DGCR2: variants seen among roughly 807,000 people sequenced by gnomAD.
The protein encoded by DGCR2 is DiGeorge syndrome critical region gene 2.
In DGCR2, 24 loss-of-function variants were observed where a neutral mutation model predicts 51.6. The observed-to-expected ratio is 0.47, with a 90% confidence interval of 0.34 to 0.65. The LOEUF is 0.65. DGCR2 is among the 30% of genes least tolerant of loss of function. The pLI, the probability that DGCR2 is intolerant of heterozygous loss-of-function variation, is 0.01. For synonymous variants in DGCR2, 340 were observed against 315.4 expected (o/e 1.08, Z -0.82); for missense variants, 765 against 772.1 (o/e 0.99, Z 0.11).
Position 19,100,861 on chromosome 22 carries a change from T to C in DGCR2, c.80-11371A>G, listed in dbSNP as rs116878293. ...GGTTCACGTCTGTAACCCCAGCACTTTGGGAGGCCAAGGTGGTCGGAACAC... is the reference window on the plus strand; with the variant it reads ...GGTTCACGTCTGTAACCCCAGCACTCTGGGAGGCCAAGGTGGTCGGAACAC... On this transcript the variant is annotated intron_variant, in intron 1 of 9. Transcript: ENST00000263196. Among the ~76,000 whole-genome samples the C allele has an allele frequency of 1.5e-3, 222 of 152,260 alleles. 4 individuals are homozygous for C. The East Asian group carries it at 0.032, about 22-fold the overall frequency.
At chr22:19,104,638 C>G (rs996701147) in intron 1 of DGCR2, among the ~76,000 whole-genome samples, 2 of 152,214 alleles carry the variant, frequency 1.3e-5, no homozygotes, top group Admixed American at 6.5e-5. Context: ...CCAGAGCAGT[C>G]TGAGACCCAT....
intron 6 of DGCR2, among the ~76,000 whole-genome samples, chr22:19,052,103 C>T (rs2082554483): frequency 6.6e-6 from 1 of 152,154 alleles, no homozygotes; most frequent in Admixed American, 6.5e-5. Flanking sequence ...TAATCCTGGG[C>T]ATCTATCACA....
At chr22:19,063,133 G>A (rs1270203073) in intron 5 of DGCR2, 69 bp downstream of exon 5, 10 of 1,443,078 alleles carry the variant, frequency 6.9e-6, no homozygotes, top group Non-Finnish European at 7.8e-6. Context: ...GTAAGAGGGA[G>A]GAGGGGAGGC....
At chr22:19,098,060 TTTTC>T (rs969179903) in intron 1 of DGCR2, among the ~76,000 whole-genome samples, 16 of 152,298 alleles carry the variant, frequency 1.1e-4, no homozygotes, top group East Asian at 1.9e-4. Context: ...TTTTCTGTCC[TTTTC>T]TTTCTTTCTC....
At chr22:19,113,810 G>C (rs1029366064) in intron 1 of DGCR2, among the ~76,000 whole-genome samples, 1 of 152,112 alleles carries the variant, frequency 6.6e-6, no homozygotes, top group South Asian at 2.1e-4. Flanking sequence ...TGTAATCTCA[G>C]CACTTTGGGA....
At chr22:19,047,485 C>T (rs1416696775) in intron 7 of DGCR2, 1 of 152,220 alleles carries the variant, frequency 6.6e-6, no homozygotes, top group Admixed American at 6.5e-5. Flanking sequence ...TTCCAAAAGT[C>T]CCCATCATTT....
chr22:19,106,958 C>A (rs898032294), intron 1 of DGCR2, among the ~76,000 whole-genome samples: 1 of 151,860 alleles, frequency 6.6e-6, no homozygotes, highest in African/African-American at 2.4e-5. Flanking sequence ...GATACCAGAG[C>A]CCCACCACCA....
At chr22:19,058,182 C>T (rs1328988852) in intron 5 of DGCR2, among the ~76,000 whole-genome samples, 1 of 152,180 alleles carries the variant, frequency 6.6e-6, no homozygotes, top group Non-Finnish European at 1.5e-5. Context: ...TGGAGGCAGG[C>T]CTATGCTGTG....
chr22:19,087,033 G>T (rs1054111248), intron 2 of DGCR2, among the ~76,000 whole-genome samples: 1 of 152,186 alleles, frequency 6.6e-6, no homozygotes, highest in African/African-American at 2.4e-5. Context: ...AGCAAACCAA[G>T]AATCATCTGG....
rs1237210402 is a variant in DGCR2, at chr22:19,057,117, G to T, written c.671C>A (p.Ala224Asp). The T allele has an allele frequency of 6.2e-7, 1 of 1,608,626 alleles. No individual in the cohort carries two copies. Among genetic ancestry groups the T allele is most frequent in the Non-Finnish European group, 8.5e-7 (1 of 1,177,648 alleles). Residue 224 changes from alanine (A) to aspartate (D), a missense_variant, in exon 6 of 10, where the codon GCC becomes GAC. This residue lies in a region of DGCR2 where 370 missense variants were observed against 325.5 expected (regional missense o/e 1.14). Coordinates refer to ENST00000263196, the MANE Select transcript of DGCR2 (RefSeq NM_005137.3). The surrounding 1 kb of genome is among the most constrained non-coding windows in gnomAD (Gnocchi z 5.1). ...FLPPDPIFAS[A>D]MSENDNVFCA... Reference sequence around the variant, plus strand: ...GAACACGTTGTCGTTCTCAGACATGGCCGAGGCAAAGATGGGGTCTGGGGG... The same window carrying T: ...GAACACGTTGTCGTTCTCAGACATGTCCGAGGCAAAGATGGGGTCTGGGGG...
chr22:19,039,387 G>A (rs1330940443), intron 9 of DGCR2, among the ~76,000 whole-genome samples: 1 of 152,184 alleles, frequency 6.6e-6, no homozygotes, highest in African/African-American at 2.4e-5. Context: ...GCAGACACGG[G>A]CCTGTCCCAC....
At chr22:19,090,630 G>A (rs916905367) in intron 1 of DGCR2, among the ~76,000 whole-genome samples, 4 of 152,200 alleles carry the variant, frequency 2.6e-5, no homozygotes, top group Non-Finnish European at 5.9e-5. Flanking sequence ...GACAATAGTA[G>A]CACCAAAGGT....
chr22:19,041,718 C>T, intron 8 of DGCR2, 89 bp downstream of exon 8: 1 of 1,456,278 alleles, frequency 6.9e-7, no homozygotes, highest in Non-Finnish European at 9.3e-7. Flanking sequence ...CTCTGCCCCT[C>T]TCTGTCCAGG....
At chr22:19,062,775 G>GCTGTCTCTGTCTCTGTCTCT in intron 5 of DGCR2, among the ~76,000 whole-genome samples, 1 of 108,966 alleles carries the variant, frequency 9.2e-6, no homozygotes, top group South Asian at 4.0e-4. Flanking sequence ...ACACATGCAT[G>GCTGTCTCTGTCTCTGTCTCT]CTCACTCTCT....
At chr22:19,059,769 A>G (rs1207086314) in intron 5 of DGCR2, among the ~76,000 whole-genome samples, 1 of 152,042 alleles carries the variant, frequency 6.6e-6, no homozygotes, top group Non-Finnish European at 1.5e-5. Flanking sequence ...TGCTCCCCAG[A>G]CTGATACACG....
At position 19,057,694 on chromosome 22, in the gene DGCR2, C is replaced by G. The variant is rs1267588279; in HGVS notation, c.626-532G>C. On this transcript the variant is annotated intron_variant, in intron 5 of 9. Coordinates refer to ENST00000263196, the MANE Select transcript of DGCR2 (RefSeq NM_005137.3). This position sits in a 1 kb window ranked among gnomAD's most constrained non-coding sequence, Gnocchi z 5.1. ...TGCCAGCAGCTGGCTGCAGGGAACA[C>G]TTAGGAAGCACTGGCTCCCGGGGAC... Among the ~76,000 whole-genome samples the G allele has an allele frequency of 6.6e-6, 1 of 152,216 alleles. No individual in the cohort carries two copies. The highest frequency in any genetic ancestry group is 1.5e-5 in the Non-Finnish European group (1 of 68,026).
chr22:19,059,918 G>A (rs1222982830), intron 5 of DGCR2, among the ~76,000 whole-genome samples: 1 of 152,128 alleles, frequency 6.6e-6, no homozygotes, highest in African/African-American at 2.4e-5. Flanking sequence ...TGTTCGAGTG[G>A]TGGGGAGACC....
chr22:19,068,992 G>C (rs2082782678), intron 2 of DGCR2, among the ~76,000 whole-genome samples: 1 of 152,260 alleles, frequency 6.6e-6, no homozygotes, highest in African/African-American at 2.4e-5. Context: ...ACAAGGTGAA[G>C]GGCAGACTCA....
chr22:19,048,156 T>C, intron 7 of DGCR2: 1 of 506,724 alleles, frequency 2.0e-6, no homozygotes, highest in South Asian at 2.2e-5. Context: ...AAGCTGTCAG[T>C]GGTGACTTGT....
Sources: gnomAD v4.1 joint callset for allele counts (sites outside exome capture counted in the v4.1 genomes callset) on GRCh38, gnomAD v4.1.1 for gene constraint, gnomAD v4.1.1 regional missense constraint, Gnocchi (gnomAD v3.1) non-coding constraint, MANE v1.5 for transcripts, NCBI Gene and HGNC (gene_info 2026-07-23, HGNC 2026-07-21) for gene names.